SYNDIG1L: variants seen among roughly 807,000 people sequenced by gnomAD.
SYNDIG1L encodes the protein synapse differentiation inducing 1 like.
A neutral mutation model predicts 20.1 loss-of-function variants in SYNDIG1L; 13 were observed. The observed-to-expected ratio is 0.65, with a 90% CI of 0.42 to 1.03. SYNDIG1L has a LOEUF of 1.03. Ranked by LOEUF, SYNDIG1L falls within the 50% of genes least tolerant of loss-of-function variation. The pLI is 0.00. For synonymous variants in SYNDIG1L, 128 were observed against 129.3 expected (o/e 0.99, Z 0.07); for missense variants, 294 against 305.1 (o/e 0.96, Z 0.27).
chr14:74,439,567 T>C, the SYNDIG1L span, among the ~76,000 whole-genome samples: 21 of 152,242 alleles, frequency 1.4e-4, no homozygotes, highest in East Asian at 9.6e-4. Context: ...ACATTTACAA[T>C]ATATTGTTCA....
intron 1 of SYNDIG1L, among the ~76,000 whole-genome samples, chr14:74,417,441 T>A (rs1036963816): frequency 1.3e-5 from 2 of 152,024 alleles, no homozygotes; most frequent in African/African-American, 4.8e-5. Context: ...TGACCAGGAG[T>A]TGGCTCACAC....
the SYNDIG1L span, among the ~76,000 whole-genome samples, chr14:74,455,757 GC>G: frequency 1.1e-4 from 16 of 152,034 alleles, no homozygotes; most frequent in Non-Finnish European, 4.4e-5. Flanking sequence ...AAGCCTTCCT[GC>G]TCACTCTTCA....
At position 74,409,796 on chromosome 14, in the gene SYNDIG1L, C is replaced by A; in HGVS notation, c.-52G>T. 7.1e-7 allele frequency: 1 copy of A among 1,403,408 alleles called. No homozygotes were observed. The highest frequency in any genetic ancestry group is 2.1e-5 in the South Asian group (1 of 48,446). The allele number at this position is 1,403,408 out of a possible 1,614,324, so 86.9% of individuals were successfully genotyped here. Reference sequence around the variant, plus strand: ...GGGCCTGGGCCAGCTGAGCAGTCCTCAGAGCCTGTCAGAAGAGCAAGACAG... The same window carrying A: ...GGGCCTGGGCCAGCTGAGCAGTCCTAAGAGCCTGTCAGAAGAGCAAGACAG... On this transcript the variant is annotated 5_prime_UTR_variant, in exon 2 of 4. The change abolishes the stop of an existing upstream ORF in the 5' untranslated region. Transcript: ENST00000331628.
Position 74,407,488 on chromosome 14 carries a change from G to A in SYNDIG1L, c.*47C>T. 1.9e-6 allele frequency: 3 copies of A among 1,609,988 alleles called. No homozygotes were observed. The highest frequency in any genetic ancestry group is 2.5e-6 in the Non-Finnish European group (3 of 1,179,354). On this transcript the variant is annotated 3_prime_UTR_variant, in exon 4 of 4. Coordinates refer to ENST00000331628, the MANE Select transcript of SYNDIG1L (RefSeq NM_001105579.2). ...AGGGTCTGCAACTCCAAGCCCCACT[G>A]CTTCCTCAGGTGGGCAGGGGAGTCA...
the SYNDIG1L span, among the ~76,000 whole-genome samples, chr14:74,447,821 A>G: frequency 6.6e-6 from 1 of 152,320 alleles, no homozygotes; most frequent in Non-Finnish European, 1.5e-5. Flanking sequence ...TGTGTAATGT[A>G]TAACATATAT....
chr14:74,421,894 C>T (rs1241485658), intron 1 of SYNDIG1L, among the ~76,000 whole-genome samples: 1 of 152,190 alleles, frequency 6.6e-6, no homozygotes, highest in Non-Finnish European at 1.5e-5. Context: ...ATCAATTGCC[C>T]TCTTTCTACC....
chr14:74,407,346 G>T lies in SYNDIG1L; in HGVS notation c.*189C>A. ...AGTGGCGCCCCGGGCCCTGCTCTGG[G>T]GCTGGGAGCAGCGGGCAAGCAGAAG... is the stretch of plus-strand genomic sequence containing the variant. On this transcript the variant is annotated 3_prime_UTR_variant, in exon 4 of 4. Transcript: ENST00000331628. 1 of 818,760 alleles carries T rather than the reference G, an allele frequency of 1.2e-6. No homozygotes were observed. Among genetic ancestry groups the T allele is most frequent in the Non-Finnish European group, 1.9e-6 (1 of 534,110 alleles). 50.7% of individuals were successfully genotyped at this position (818,760 alleles called of 1,614,324 possible). A position where few individuals can be genotyped will look rare whatever the true frequency, so the allele number is the denominator to read the frequency against.
At chr14:74,443,593 A>G in the SYNDIG1L span, among the ~76,000 whole-genome samples, 181 of 152,344 alleles carry the variant, frequency 1.2e-3, no homozygotes, top group Non-Finnish European at 1.9e-3. Flanking sequence ...TTACCCAGAG[A>G]AAACTGGAGC....
At chr14:74,416,964 A>G (rs1054593025) in intron 1 of SYNDIG1L, among the ~76,000 whole-genome samples, 3 of 152,216 alleles carry the variant, frequency 2.0e-5, no homozygotes, top group African/African-American at 4.8e-5. Flanking sequence ...GGAGCTGGAC[A>G]TGAGCCTTGG....
In SYNDIG1L at chr14:74,409,770, G is replaced by T; in HGVS notation, c.-26C>A. 7.1e-7 allele frequency: 1 copy of T among 1,415,432 alleles called. No homozygotes were observed. Among genetic ancestry groups the T allele is most frequent in the Non-Finnish European group, 9.3e-7 (1 of 1,080,812 alleles). The allele number at this position is 1,415,432 out of a possible 1,614,324, so 87.7% of individuals were successfully genotyped here. On this transcript the variant is annotated 5_prime_UTR_variant, in exon 2 of 4. Transcript: ENST00000331628. ...GGTTCTGGGGCAGCTGCTGGGGAGGGGGGCCTGGGCCAGCTGAGCAGTCCT... is the reference window on the plus strand; with the variant it reads ...GGTTCTGGGGCAGCTGCTGGGGAGGTGGGCCTGGGCCAGCTGAGCAGTCCT...
At position 74,406,296 on chromosome 14, in the gene SYNDIG1L, T is replaced by A. The variant is rs779156217; in HGVS notation, c.*1239A>T. 1 of 389,880 alleles carries A rather than the reference T, an allele frequency of 2.6e-6. No individual in the cohort carries two copies. Among genetic ancestry groups the A allele is most frequent in the Middle Eastern group, 6.4e-4 (1 of 1,556 alleles). The allele number at this position is 389,880 out of a possible 1,614,324, so 24.2% of individuals were successfully genotyped here. A position where few individuals can be genotyped will look rare whatever the true frequency, so the allele number is the denominator to read the frequency against. On this transcript the variant is annotated 3_prime_UTR_variant, in exon 4 of 4. Transcript: ENST00000331628. The stretch of plus-strand genomic sequence containing the variant: ...CCTAGCATTCAGAGATGGGAAAACA[T>A]CATTGGTCTTTGAGAGACAGGTGTG...
In SYNDIG1L at chr14:74,407,671, C is replaced by G; in HGVS notation, c.581G>C (p.Gly194Ala). ...SQGTSKAISK[G>A]DFRLASTTSR... The stretch of plus-strand genomic sequence containing the variant: ...GGTGGTGCTGGCCAGGCGGAAGTCC[C>G]CTTTGGAGATGGCCTTGCTGGTCTA... The change falls in exon 4 of 4, where the codon GGG becomes GCG. Residue 194 changes from glycine to alanine, a missense_variant. By Grantham distance (60) the Gly-to-Ala change is moderately conservative. Transcript: ENST00000331628. 1.2e-6 allele frequency: 2 copies of G among 1,610,624 alleles called. No homozygotes were observed. The highest frequency in any genetic ancestry group is 4.5e-5 in the East Asian group (2 of 44,850).
chr14:74,477,685 T>C, the SYNDIG1L span, among the ~76,000 whole-genome samples: 1 of 152,350 alleles, frequency 6.6e-6, no homozygotes, highest in East Asian at 1.9e-4. Flanking sequence ...ACTGGAGATA[T>C]GAGGTGTTGG....
At chr14:74,476,252 C>T in the SYNDIG1L span, 1 of 600,488 alleles carries the variant, frequency 1.7e-6, no homozygotes, top group South Asian at 2.0e-5. Flanking sequence ...TGCTGCTGGC[C>T]TGCTCTCTGC....
At chr14:74,446,188 T>C in the SYNDIG1L span, among the ~76,000 whole-genome samples, 1 of 152,328 alleles carries the variant, frequency 6.6e-6, no homozygotes, top group East Asian at 1.9e-4. Context: ...TGAAGATGCC[T>C]TCTCAATCTT....
intron 2 of SYNDIG1L, among the ~76,000 whole-genome samples, chr14:74,408,813 A>G (rs148658115): frequency 4.9e-4 from 74 of 152,174 alleles, no homozygotes; most frequent in South Asian, 1.0e-3. Flanking sequence ...GACTTACACA[A>G]TCATCCACCA....
chr14:74,410,910 C>T (rs1366325323), intron 1 of SYNDIG1L, among the ~76,000 whole-genome samples: 1 of 152,122 alleles, frequency 6.6e-6, no homozygotes, highest in Non-Finnish European at 1.5e-5. Flanking sequence ...TCTGGACCTG[C>T]ACATCCCGTT....
intron 1 of SYNDIG1L, among the ~76,000 whole-genome samples, chr14:74,422,653 TCACACACACA>T (rs34711949): frequency 7.1e-6 from 1 of 140,488 alleles, no homozygotes; most frequent in Non-Finnish European, 1.5e-5. Context: ...ATCTCTCTCT[TCACACACACA>T]CACACACACA....
At chr14:74,418,925 C>G (rs1036628738) in intron 1 of SYNDIG1L, among the ~76,000 whole-genome samples, 15 of 152,190 alleles carry the variant, frequency 9.9e-5, no homozygotes, top group African/African-American at 3.6e-4. Context: ...ATAGCTAAAC[C>G]CTGCCTGCAT....
Sources: allele counts gnomAD v4.1 joint callset (sites outside exome capture counted in the v4.1 genomes callset), GRCh38; gene constraint gnomAD v4.1.1; transcripts MANE v1.5; gene names NCBI Gene and HGNC (gene_info 2026-07-23, HGNC 2026-07-21).